The following ATP6AP1 variants were observed in gnomAD, a reference collection of about 807,000 sequenced individuals.
The protein encoded by ATP6AP1 is V-type proton ATPase subunit S1.
ATP6AP1 carries 1 observed loss-of-function variant against 32.0 expected under a neutral mutation model. That is an observed-to-expected ratio of 0.03 (90% CI 0.01 to 0.15). ATP6AP1 has a LOEUF of 0.15. ATP6AP1 is among the 10% of genes least tolerant of loss of function. The pLI, the probability that ATP6AP1 is intolerant of heterozygous loss-of-function variation, is 1.00. For missense variants in ATP6AP1, 297 were observed against 398.8 expected (o/e 0.74, Z 2.17); for synonymous variants, 187 against 174.9 (o/e 1.07, Z -0.55).
intron 2 of ATP6AP1, 110 bp from the exon 3 acceptor site, chrX:154,431,720 T>A: frequency 2.8e-6 from 2 of 702,420 alleles, no homozygotes; most frequent in Non-Finnish European, 4.5e-6. Flanking sequence ...AACCTGACTC[T>A]CAGTGAGACT....
chrX:154,434,380 C>G lies in ATP6AP1; in HGVS notation c.857C>G (p.Thr286Ser), dbSNP rs1557197328. The part of the protein sequence containing the change: ...VAYKDQWEDL[T>S]PLTFGVQELN... ...TACAAGGACCAGTGGGAGGACCTGA[C>G]TCCCCTCACCTTTGGGGTGCAGGAA... is the stretch of plus-strand genomic sequence containing the variant. The change falls in exon 7 of 10, where the codon ACT becomes AGT. Residue 286 changes from threonine (T) to serine (S), a missense_variant. By Grantham distance (58) the Thr-to-Ser change is moderately conservative. Transcript: ENST00000369762. 8.3e-7 allele frequency: 1 copy of G among 1,210,597 alleles called. No homozygotes were observed. The highest frequency in any genetic ancestry group is 1.7e-5 in the African/African-American group (1 of 57,305).
chrX:154,433,948 C>G (rs1264367538), intron 6 of ATP6AP1, among the ~76,000 whole-genome samples: 1 of 111,837 alleles, frequency 8.9e-6, no homozygotes, highest in Middle Eastern at 4.2e-3. Flanking sequence ...GGCAGCTTTC[C>G]ATCTCGTCCT....
In ATP6AP1 at chrX:154,434,192, T is replaced by C. The variant is rs1557197273; in HGVS notation, c.685-16T>C. 2 of 1,206,376 alleles carry C rather than the reference T, an allele frequency of 1.7e-6. No individual in the cohort carries two copies. The highest frequency in any genetic ancestry group is 3.5e-5 in the South Asian group (2 of 56,844). ...CCCAGGGCTGCTGAAAGAAGGCTGG[T>C]TGGGTGTTTCTGCAGGTGGCCCGTG... On this transcript the variant is annotated splice_polypyrimidine_tract_variant and intron_variant, in intron 6 of 9. Transcript: ENST00000369762.
chrX:154,431,749 C>A (rs1557196809), intron 2 of ATP6AP1, 81 bp from the exon 3 acceptor site: 2 of 977,743 alleles, frequency 2.0e-6, no homozygotes, highest in Non-Finnish European at 2.9e-6. Context: ...CCTGAGAATG[C>A]ACGGGGAAGG....
chrX:154,434,487 G>A, intron 7 of ATP6AP1, 41 bp downstream of exon 7: 2 of 1,162,467 alleles, frequency 1.7e-6, no homozygotes, highest in Non-Finnish European at 2.3e-6. Flanking sequence ...CACCACAGGT[G>A]ACCTTCCCAT....
intron 9 of ATP6AP1, 40 bp from the exon 10 acceptor site, chrX:154,435,641 TC>T: frequency 1.7e-6 from 2 of 1,199,043 alleles, no homozygotes; most frequent in Non-Finnish European, 2.3e-6. Flanking sequence ...TTGCTGGGCC[TC>T]CCAACGGTCC....
intron 2 of ATP6AP1, 109 bp from the exon 3 acceptor site, chrX:154,431,721 C>T: frequency 1.4e-6 from 1 of 737,857 alleles, no homozygotes; most frequent in Non-Finnish European, 2.1e-6. Flanking sequence ...ACCTGACTCT[C>T]AGTGAGACTT....
intron 1 of ATP6AP1, 76 bp downstream of exon 1, chrX:154,428,929 G>T (rs2068679453): frequency 8.9e-7 from 1 of 1,118,440 alleles, no homozygotes. Context: ...CTAGGCGAGG[G>T]GTGGTGAGGC....
intron 2 of ATP6AP1, 53 bp from the exon 3 acceptor site, chrX:154,431,777 G>C: frequency 8.7e-7 from 1 of 1,151,591 alleles, no homozygotes; most frequent in Middle Eastern, 2.6e-4. Flanking sequence ...CCCCTGCCTT[G>C]GCCCCCATCA....
intron 7 of ATP6AP1, 74 bp from the exon 8 acceptor site, chrX:154,435,065 G>A (rs1170837019): frequency 1.8e-6 from 2 of 1,121,157 alleles, no homozygotes; most frequent in Admixed American, 2.5e-5. Context: ...GAGCAGAGCT[G>A]AGGAACTTGT....
At chrX:154,433,841 C>T in intron 6 of ATP6AP1, 121 bp downstream of exon 6, 1 of 724,583 alleles carries the variant, frequency 1.4e-6, no homozygotes, top group Admixed American at 3.1e-5. Context: ...ATAGGGGAAG[C>T]ATGAGGCACA....
In ATP6AP1 at chrX:154,428,762, C is replaced by T. The variant is rs1557196268; in HGVS notation, c.70C>T (p.Pro24Ser). 2 of 1,135,962 alleles carry T rather than the reference C, an allele frequency of 1.8e-6. No individual in the cohort carries two copies. Among genetic ancestry groups the T allele is most frequent in the Non-Finnish European group, 1.2e-6 (1 of 864,255 alleles). The allele number at this position is 1,135,962 out of a possible 1,213,427, so 93.6% of individuals were successfully genotyped here. The change falls in exon 1 of 10, where the codon CCG becomes TCG. Residue 24 changes from proline to serine, a missense_variant. Pro to Ser is a moderately conservative substitution (Grantham distance 74). Transcript: ENST00000369762. ...PRCAQALWRM[P>S]WLPVFLSLAA... ...GTGCGCCCAGGCGCTCTGGCGCATG[C>T]CGTGGCTGCCGGTGTTTTTGTCGTT...
chrX:154,432,599 G>A, intron 4 of ATP6AP1, 140 bp downstream of exon 4: 3 of 894,825 alleles, frequency 3.4e-6, no homozygotes. Flanking sequence ...GGTGCCCTGT[G>A]TGGCCAGAAG....
At position 154,435,766 on chromosome X, in the gene ATP6AP1, C is replaced by T; in HGVS notation, c.1288C>T (p.Leu430=). 8.3e-7 allele frequency: 1 copy of T among 1,211,706 alleles called. No individual in the cohort carries two copies. Among genetic ancestry groups the T allele is most frequent in the African/African-American group, 1.7e-5 (1 of 57,818 alleles). Residue 430 remains leucine (L), a synonymous_variant, in exon 10 of 10, where the codon CTG becomes TTG. Transcript: ENST00000369762. ...CTTCTCCCCCGGCATCTGGATGGGGCTGCTCACCTCCCTGTTCATGCTCTT... is the reference window on the plus strand; with the variant it reads ...CTTCTCCCCCGGCATCTGGATGGGGTTGCTCACCTCCCTGTTCATGCTCTT... ...SFFSPGIWMG[L]LTSLFMLFIF... is the part of the protein sequence containing the mutation.
intron 7 of ATP6AP1, 146 bp from the exon 8 acceptor site, chrX:154,434,993 A>C: frequency 3.2e-6 from 2 of 624,148 alleles, no homozygotes; most frequent in Admixed American, 3.7e-5. Context: ...CAGTTTTCCT[A>C]TCTGTCAAGT....
At chrX:154,433,068 G>T in intron 5 of ATP6AP1, 97 bp downstream of exon 5, 1 of 1,031,306 alleles carries the variant, frequency 9.7e-7, no homozygotes, top group Non-Finnish European at 1.3e-6. Context: ...CTCACTCCCA[G>T]GGTGGCCCGC....
chrX:154,434,665 G>A (rs1409492208), intron 7 of ATP6AP1, among the ~76,000 whole-genome samples: 7 of 111,676 alleles, frequency 6.3e-5, no homozygotes, highest in African/African-American at 2.0e-4. Flanking sequence ...CCATGCTTGC[G>A]AGTCTTTGGT....
intron 2 of ATP6AP1, 166 bp from the exon 3 acceptor site, chrX:154,431,664 C>G (rs1174829454): frequency 6.0e-6 from 3 of 499,747 alleles, no homozygotes; most frequent in Middle Eastern, 5.9e-4. Context: ...AGAGGTGAGT[C>G]TCCCACCCCA....
chrX:154,432,035 A>C (rs2068696186), intron 3 of ATP6AP1, 131 bp downstream of exon 3: 7 of 748,444 alleles, frequency 9.4e-6, no homozygotes, highest in South Asian at 5.1e-5. Context: ...CATCCCCCCC[A>C]AAAACAACAA....
Sources: allele counts gnomAD v4.1 joint callset (sites outside exome capture counted in the v4.1 genomes callset), GRCh38; gene constraint gnomAD v4.1.1; transcripts MANE v1.5; gene names NCBI Gene and HGNC (gene_info 2026-07-23, HGNC 2026-07-21).